The following DCUN1D5 variants were observed in gnomAD, a reference collection of about 807,000 sequenced individuals.
The protein encoded by DCUN1D5 is DCN1-like protein 5.
A neutral mutation model predicts 38.3 loss-of-function variants in DCUN1D5; 10 were observed. That is an observed-to-expected ratio of 0.26 (90% CI 0.16 to 0.44). The LOEUF is 0.44. Among genes scored for constraint, DCUN1D5 ranks in the 20% least tolerant of loss-of-function variants. DCUN1D5 has a pLI of 1.00. For synonymous variants in DCUN1D5, 93 were observed against 90.9 expected (o/e 1.02, Z -0.13); for missense variants, 148 against 275.3 (o/e 0.54, Z 3.27).
chr11:103,088,803 CAA>C (rs971282608), intron 2 of DCUN1D5, among the ~76,000 whole-genome samples: 2 of 152,070 alleles, frequency 1.3e-5, no homozygotes, highest in African/African-American at 4.8e-5. Context: ...TATGTCTCCC[CAA>C]AAGTTTCAGA....
At chr11:103,072,908 A>G (rs999894358) in intron 4 of DCUN1D5, among the ~76,000 whole-genome samples, 1 of 152,212 alleles carries the variant, frequency 6.6e-6, no homozygotes, top group African/African-American at 2.4e-5. Context: ...GAAGTATAAT[A>G]ATAAAAGAAA....
At chr11:103,067,460 T>A (rs1239671858) in intron 4 of DCUN1D5, among the ~76,000 whole-genome samples, 1 of 152,146 alleles carries the variant, frequency 6.6e-6, no homozygotes, top group African/African-American at 2.4e-5. Flanking sequence ...AAAAATATTA[T>A]TCATCAAGAC....
In DCUN1D5 at chr11:103,055,385, T is replaced by C. The variant is rs1861849527; in HGVS notation, c.*6974A>G. The C allele has an allele frequency of 6.6e-6, 1 of 152,168 alleles. No individual in the cohort carries two copies. The highest frequency in any genetic ancestry group is 1.5e-5 in the Non-Finnish European group (1 of 68,022). The allele number at this position is 152,168 out of a possible 1,614,324, so 9.4% of individuals were successfully genotyped here. A position where few individuals can be genotyped will look rare whatever the true frequency, so the allele number is the denominator to read the frequency against. Reference sequence around the variant, plus strand: ...TAGTGCTAAAACTGTCAAATTGAATTGGAATAGCAATTTCCAACAATGAGA... The same window carrying C: ...TAGTGCTAAAACTGTCAAATTGAATCGGAATAGCAATTTCCAACAATGAGA... On this transcript the variant is annotated 3_prime_UTR_variant, in exon 8 of 8. Coordinates refer to ENST00000260247, the MANE Select transcript of DCUN1D5 (RefSeq NM_032299.4).
chr11:103,060,673 A>C lies in DCUN1D5; in HGVS notation c.*1686T>G, dbSNP rs1861990854. 6.6e-6 allele frequency among the ~76,000 whole-genome samples: 1 copy of C among 152,184 alleles called. No individual in the cohort carries two copies. Among genetic ancestry groups the C allele is most frequent in the African/African-American group, 2.4e-5 (1 of 41,438 alleles). On this transcript the variant is annotated 3_prime_UTR_variant, in exon 8 of 8. Coordinates refer to ENST00000260247, the MANE Select transcript of DCUN1D5 (RefSeq NM_032299.4). The stretch of plus-strand genomic sequence containing the variant: ...TATTTTACTCAAATACTGAAGATGA[A>C]AAAGATATTACCATTAGTTCAGGTT...
intron 4 of DCUN1D5, among the ~76,000 whole-genome samples, chr11:103,079,291 T>G (rs1374373330): frequency 6.6e-6 from 1 of 152,196 alleles, no homozygotes; most frequent in Non-Finnish European, 1.5e-5. Flanking sequence ...AAAGGTTGGC[T>G]GGGTTACAGT....
chr11:103,063,383 G>A lies in DCUN1D5; in HGVS notation c.658+892C>T, dbSNP rs796696181. On this transcript the variant is annotated intron_variant, in intron 7 of 7. Coordinates refer to ENST00000260247, the MANE Select transcript of DCUN1D5 (RefSeq NM_032299.4). This position sits in a 1 kb window ranked among gnomAD's most constrained non-coding sequence, Gnocchi z 4.6. ...AAATACATAAATATACACATCTACG[G>A]GCCATATACAGCCTTTGGGCTGCCA... Among the ~76,000 whole-genome samples, 1 of 151,868 alleles carries A rather than the reference G, an allele frequency of 6.6e-6. No homozygotes were observed. The highest frequency in any genetic ancestry group is 2.4e-5 in the African/African-American group (1 of 41,342).
At chr11:103,079,630 A>C (rs1862503557) in intron 4 of DCUN1D5, among the ~76,000 whole-genome samples, 1 of 151,894 alleles carries the variant, frequency 6.6e-6, no homozygotes, top group African/African-American at 2.4e-5. Context: ...TCTCTCAAAA[A>C]AAAAATAGCC....
rs1286018264 is a variant in DCUN1D5, at chr11:103,082,855, C to T, written c.250-16G>A. ...ACATAATAATCTGGAAAGAACAGAA[C>T]ATAAAGGATAGGGGAAAAGTCAGCA... On this transcript the variant is annotated splice_polypyrimidine_tract_variant and intron_variant, in intron 3 of 7. Coordinates refer to ENST00000260247, the MANE Select transcript of DCUN1D5 (RefSeq NM_032299.4). The T allele has an allele frequency of 1.3e-6, 2 of 1,595,876 alleles. No individual in the cohort carries two copies. The highest frequency in any genetic ancestry group is 1.3e-5 in the African/African-American group (1 of 74,428).
At position 103,062,627 on chromosome 11, in the gene DCUN1D5, A is replaced by C. The variant is rs976492334; in HGVS notation, c.659-213T>G. ...CACAAGGAACAATGGTATCTATAGC[A>C]ACTTCCTTCTCAAGGTGTTTCATGA... On this transcript the variant is annotated intron_variant, in intron 7 of 7. Coordinates refer to ENST00000260247, the MANE Select transcript of DCUN1D5 (RefSeq NM_032299.4). The surrounding 1 kb of genome is among the most constrained non-coding windows in gnomAD (Gnocchi z 4.6). Among the ~76,000 whole-genome samples the C allele has an allele frequency of 6.6e-6, 1 of 152,098 alleles. No individual in the cohort carries two copies. The highest frequency in any genetic ancestry group is 1.5e-5 in the Non-Finnish European group (1 of 67,974).
At chr11:103,072,337 ACTAGATCTAGAT>A (rs59688664) in intron 4 of DCUN1D5, among the ~76,000 whole-genome samples, 19 of 145,658 alleles carry the variant, frequency 1.3e-4, no homozygotes, top group South Asian at 4.2e-4. Context: ...AGGATCTAGA[ACTAGATCTAGAT>A]CTAGATCTAG....
chr11:103,081,739 A>G (rs1017894028), intron 4 of DCUN1D5, among the ~76,000 whole-genome samples: 1 of 152,198 alleles, frequency 6.6e-6, no homozygotes, highest in Non-Finnish European at 1.5e-5. Flanking sequence ...GATTTGGTTC[A>G]TATGAGCAAA....
At chr11:103,079,052 G>A (rs1375953924) in intron 4 of DCUN1D5, among the ~76,000 whole-genome samples, 2 of 152,238 alleles carry the variant, frequency 1.3e-5, no homozygotes, top group East Asian at 3.8e-4. Flanking sequence ...GCAGGCGAGT[G>A]AGCCAGCATA....
At chr11:103,089,439 A>G in intron 1 of DCUN1D5, 121 bp from the exon 2 acceptor site, 1 of 829,192 alleles carries the variant, frequency 1.2e-6, no homozygotes, top group Non-Finnish European at 1.8e-6. Flanking sequence ...TTCGGTTGGC[A>G]TTGTTGGAAA....
rs1862861804 is a variant in DCUN1D5 at position 103,091,439 on chromosome 11, C to G, written c.86+348G>C. ...ACTCACTTCTAAGTCTAGAAAAAGG[C>G]AGAGGAGCGATACGGGAGTAGGGGA... On this transcript the variant is annotated intron_variant, in intron 1 of 7. Coordinates refer to ENST00000260247, the MANE Select transcript of DCUN1D5 (RefSeq NM_032299.4). This position sits in a 1 kb window ranked among gnomAD's most constrained non-coding sequence, Gnocchi z 4.3. 1 of 271,654 alleles carries G rather than the reference C, an allele frequency of 3.7e-6. No homozygotes were observed. Among genetic ancestry groups the G allele is most frequent in the Admixed American group, 6.3e-5 (1 of 15,864 alleles). 16.8% of individuals were successfully genotyped at this position (271,654 alleles called of 1,614,324 possible).
intron 2 of DCUN1D5, among the ~76,000 whole-genome samples, chr11:103,085,056 T>C (rs866253756): frequency 2.2e-4 from 33 of 152,070 alleles, no homozygotes; most frequent in African/African-American, 7.2e-4. Flanking sequence ...TGTAAATATA[T>C]TGTAAATTTT....
Position 103,063,795 on chromosome 11 carries a change from T to C in DCUN1D5, c.658+480A>G, listed in dbSNP as rs1025722432. Reference sequence around the variant, plus strand: ...TGACGGATTGAAAAATTATAACTATTTCACTATCAGTTAGCTCACAATCAA... The same window carrying C: ...TGACGGATTGAAAAATTATAACTATCTCACTATCAGTTAGCTCACAATCAA... On this transcript the variant is annotated intron_variant, in intron 7 of 7. Transcript: ENST00000260247. The surrounding 1 kb of genome is among the most constrained non-coding windows in gnomAD (Gnocchi z 4.6). Among the ~76,000 whole-genome samples the C allele has an allele frequency of 1.3e-5, 2 of 152,188 alleles. No individual in the cohort carries two copies. Among genetic ancestry groups the C allele is most frequent in the African/African-American group, 2.4e-5 (1 of 41,460 alleles).
Position 103,086,367 on chromosome 11 carries a change from A to T in DCUN1D5, c.178+2860T>A, listed in dbSNP as rs569609198. Among the ~76,000 whole-genome samples, 3 of 152,330 alleles carry T rather than the reference A, an allele frequency of 2.0e-5. No homozygotes were observed. The highest frequency in any genetic ancestry group is 3.4e-3 in the Middle Eastern group (1 of 294). On this transcript the variant is annotated intron_variant, in intron 2 of 7. Coordinates refer to ENST00000260247, the MANE Select transcript of DCUN1D5 (RefSeq NM_032299.4). The surrounding 1 kb of genome is among the most constrained non-coding windows in gnomAD (Gnocchi z 4.1). The stretch of plus-strand genomic sequence containing the variant: ...GTATTGTGCTAAGGGCTTTACATGT[A>T]TTATTCTCAGTAGGCAAAATTATTG...
At chr11:103,068,816 A>G (rs1380960122) in intron 4 of DCUN1D5, among the ~76,000 whole-genome samples, 1 of 149,366 alleles carries the variant, frequency 6.7e-6, no homozygotes, top group Non-Finnish European at 1.5e-5. Flanking sequence ...AAAGCTTCAC[A>G]TGTACCCCCA....
In DCUN1D5 at chr11:103,087,304, G is replaced by A. The variant is rs1862737054; in HGVS notation, c.178+1923C>T. Among the ~76,000 whole-genome samples, 1 of 151,718 alleles carries A rather than the reference G, an allele frequency of 6.6e-6. No homozygotes were observed. Among genetic ancestry groups the A allele is most frequent in the African/African-American group, 2.4e-5 (1 of 41,272 alleles). On this transcript the variant is annotated intron_variant, in intron 2 of 7. Coordinates refer to ENST00000260247, the MANE Select transcript of DCUN1D5 (RefSeq NM_032299.4). This position sits in a 1 kb window ranked among gnomAD's most constrained non-coding sequence, Gnocchi z 4.1. ...TCCTGCCCCAGCCTCCCAAGTAGCT[G>A]GGACTACAGGCGCACACCACCACGC...
Sources: gnomAD v4.1 joint callset for allele counts (sites outside exome capture counted in the v4.1 genomes callset) on GRCh38, gnomAD v4.1.1 for gene constraint, Gnocchi (gnomAD v3.1) non-coding constraint, MANE v1.5 for transcripts, NCBI Gene and HGNC (gene_info 2026-07-23, HGNC 2026-07-21) for gene names.